SPOCK1: variants seen among roughly 807,000 people sequenced by gnomAD.
The protein encoded by SPOCK1 is SPARC (osteonectin), cwcv and kazal like domains proteoglycan 1.
Under a neutral mutation model 55.3 loss-of-function variants are expected in SPOCK1, and 23 were observed. That is an observed-to-expected ratio of 0.42 (90% CI 0.30 to 0.59). The LOEUF (loss-of-function observed/expected upper bound fraction) is 0.59. Among genes scored for constraint, SPOCK1 ranks in the 20% least tolerant of loss-of-function variants. The pLI, the probability that SPOCK1 is intolerant of heterozygous loss-of-function variation, is 0.22. For missense variants in SPOCK1, 499 were observed against 552.5 expected, an observed-to-expected ratio of 0.90 and a Z score of 0.97; for synonymous variants, 226 against 221.0, an observed-to-expected ratio of 1.02 and a Z score of -0.20.
At chr5:137,051,890 G>A (rs1432805035) in intron 6 of SPOCK1, among the ~76,000 whole-genome samples, 2 of 152,154 alleles carry the variant, frequency 1.3e-5, no homozygotes, top group Non-Finnish European at 2.9e-5. Context: ...GCCTAGTAAT[G>A]AGAACCTTGA....
At position 137,003,547 on chromosome 5, in the gene SPOCK1, A is replaced by G. The variant is rs1449737480; in HGVS notation, c.590-10947T>C. Among the ~76,000 whole-genome samples the G allele has an allele frequency of 5.3e-5, 8 of 152,290 alleles. No individual in the cohort carries two copies. The East Asian group carries it at 1.2e-3, about 22-fold the overall frequency. ...GGTAGCACCGCTTGTTCCAGGGCCA[A>G]TATATGAACTTTTATATCTGTAAGA... On this transcript the variant is annotated intron_variant, in intron 6 of 10. Transcript: ENST00000394945.
At chr5:137,250,783 C>T (rs1260065722) in intron 3 of SPOCK1, among the ~76,000 whole-genome samples, 1 of 152,196 alleles carries the variant, frequency 6.6e-6, no homozygotes, top group Non-Finnish European at 1.5e-5. Context: ...ATTTACTAGT[C>T]CACGAAGATC....
intron 5 of SPOCK1, among the ~76,000 whole-genome samples, chr5:137,086,273 A>G (rs532999518): frequency 6.6e-6 from 1 of 152,228 alleles, no homozygotes; most frequent in East Asian, 1.9e-4. Flanking sequence ...GCCACCCCAC[A>G]GGCTACAAGA....
At chr5:137,053,642 C>T (rs1335167806) in intron 6 of SPOCK1, among the ~76,000 whole-genome samples, 1 of 133,232 alleles carries the variant, frequency 7.5e-6, no homozygotes, top group Non-Finnish European at 1.5e-5. Context: ...GGCTTCGGCT[C>T]AGTCATCCTT....
At chr5:137,295,673 G>A (rs1757464966) in intron 2 of SPOCK1, among the ~76,000 whole-genome samples, 1 of 151,668 alleles carries the variant, frequency 6.6e-6, no homozygotes, top group Non-Finnish European at 1.5e-5. Context: ...GGGAGTTAAG[G>A]GTACACTCAC....
intron 2 of SPOCK1, among the ~76,000 whole-genome samples, chr5:137,474,037 C>T (rs1274311685): frequency 6.6e-6 from 1 of 152,132 alleles, no homozygotes; most frequent in Non-Finnish European, 1.5e-5. Flanking sequence ...GGGAGCTAAG[C>T]TGTGAGGACA....
intron 3 of SPOCK1, among the ~76,000 whole-genome samples, chr5:137,155,427 T>C (rs1046238897): frequency 1.3e-5 from 2 of 152,188 alleles, no homozygotes; most frequent in Non-Finnish European, 2.9e-5. Context: ...ATCACCTCAC[T>C]TGGCCTCTAT....
intron 6 of SPOCK1, among the ~76,000 whole-genome samples, chr5:136,994,263 C>T (rs937566834): frequency 6.6e-6 from 1 of 152,116 alleles, no homozygotes; most frequent in African/African-American, 2.4e-5. Context: ...CAGGGTTTGG[C>T]TGTATTTTAA....
intron 6 of SPOCK1, among the ~76,000 whole-genome samples, chr5:137,020,901 G>T (rs1751552254): frequency 6.6e-6 from 1 of 152,034 alleles, no homozygotes; most frequent in Non-Finnish European, 1.5e-5. Context: ...AAATAGAAAA[G>T]AAGTGTTGGT....
intron 2 of SPOCK1, among the ~76,000 whole-genome samples, chr5:137,394,775 T>C (rs1276493322): frequency 2.0e-5 from 3 of 152,162 alleles, no homozygotes; most frequent in Non-Finnish European, 4.4e-5. Context: ...TAAAGTGTAA[T>C]AGGGTTTTAA....
At chr5:137,160,629 T>TAATATATTATATAC (rs1754531592) in intron 3 of SPOCK1, among the ~76,000 whole-genome samples, 1 of 95,628 alleles carries the variant, frequency 1.0e-5, no homozygotes, top group East Asian at 2.7e-4. Flanking sequence ...ATATTTTATA[T>TAATATATTATATAC]AATATATAAT....
intron 3 of SPOCK1, among the ~76,000 whole-genome samples, chr5:137,214,426 C>G (rs1755675248): frequency 6.6e-6 from 1 of 152,172 alleles, no homozygotes; most frequent in Admixed American, 6.5e-5. Flanking sequence ...AAGGCTGAAT[C>G]CCCCCTTACA....
intron 6 of SPOCK1, among the ~76,000 whole-genome samples, chr5:137,038,016 C>G (rs1393701445): frequency 6.6e-6 from 1 of 152,186 alleles, no homozygotes; most frequent in East Asian, 1.9e-4. Flanking sequence ...TACCTAACTG[C>G]AAGAGGGGTT....
In SPOCK1 at chr5:137,000,503, C is replaced by T. The variant is rs149032952; in HGVS notation, c.590-7903G>A. 2.0e-3 allele frequency among the ~76,000 whole-genome samples: 307 copies of T among 152,218 alleles called. 1 individual carries two copies. The highest frequency in any genetic ancestry group is 6.9e-3 in the African/African-American group (285 of 41,538). ...GTACAGCATGGTAGGCTCCTCCTCA[C>T]CAACAGGGACCATGTCCCTCCTGTC... On this transcript the variant is annotated intron_variant, in intron 6 of 10. Coordinates refer to ENST00000394945, the MANE Select transcript of SPOCK1 (RefSeq NM_004598.4).
chr5:137,323,834 G>A (rs184113955), intron 2 of SPOCK1, among the ~76,000 whole-genome samples: 15 of 152,182 alleles, frequency 9.9e-5, no homozygotes, highest in Admixed American at 4.6e-4. Flanking sequence ...GATAAGTGTC[G>A]GCAAGGGTGT....
intron 3 of SPOCK1, among the ~76,000 whole-genome samples, chr5:137,232,653 T>C (rs1428327527): frequency 1.3e-5 from 2 of 152,232 alleles, no homozygotes; most frequent in Non-Finnish European, 2.9e-5. Flanking sequence ...AAAATCACTT[T>C]AGCTATTCTA....
intron 2 of SPOCK1, among the ~76,000 whole-genome samples, chr5:137,350,914 G>A (rs1290927398): frequency 2.0e-5 from 3 of 152,090 alleles, no homozygotes; most frequent in Admixed American, 2.0e-4. Context: ...CAAGGGACAT[G>A]AGTTTCTATT....
At chr5:137,139,479 A>G (rs1013480899) in intron 4 of SPOCK1, among the ~76,000 whole-genome samples, 9 of 152,110 alleles carry the variant, frequency 5.9e-5, no homozygotes, top group Admixed American at 5.2e-4. Flanking sequence ...CATTGCTTGG[A>G]CTTCAGGAAC....
At chr5:137,304,079 T>G (rs75653718) in intron 2 of SPOCK1, among the ~76,000 whole-genome samples, 11 of 92,670 alleles carry the variant, frequency 1.2e-4, no homozygotes, top group African/African-American at 3.4e-4. Context: ...TTTTTTTTTT[T>G]TTTGGTTCTG....
Sources: allele counts gnomAD v4.1 joint callset (sites outside exome capture counted in the v4.1 genomes callset), GRCh38; gene constraint gnomAD v4.1.1; transcripts MANE v1.5; gene names NCBI Gene and HGNC (gene_info 2026-07-23, HGNC 2026-07-21).